The following GABBR2 variants were observed in gnomAD, a reference collection of about 807,000 sequenced individuals.
GABBR2 encodes G-protein coupled receptor 51.
In GABBR2, 23 loss-of-function variants were observed where a neutral mutation model predicts 105.6. The ratio of observed to expected loss-of-function variants is 0.22; its 90% CI spans 0.16 to 0.31. The LOEUF (loss-of-function observed/expected upper bound fraction) is 0.31. Among genes scored for constraint, GABBR2 ranks in the 10% least tolerant of loss-of-function variants. The probability of loss-of-function intolerance (pLI) is 1.00; values close to 1 mark genes in which losing one functional copy is unlikely to be tolerated. For missense variants in GABBR2, 734 were observed against 1,245.5 expected (o/e 0.59, Z 6.18); for synonymous variants, 478 against 499.7 (o/e 0.96, Z 0.58).
At chr9:98,534,715 G>A (rs974194745) in intron 3 of GABBR2, among the ~76,000 whole-genome samples, 3 of 152,180 alleles carry the variant, frequency 2.0e-5, no homozygotes, top group African/African-American at 4.8e-5. Context: ...ACTCCAGAAC[G>A]CTGACAATAC....
chr9:98,649,964 G>C (rs965850245), intron 1 of GABBR2, among the ~76,000 whole-genome samples: 4 of 152,150 alleles, frequency 2.6e-5, no homozygotes, highest in African/African-American at 2.4e-5. Context: ...ATATCCTGAA[G>C]TAATTCATGT....
chr9:98,578,878 T>C lies in GABBR2; in HGVS notation c.322-806A>G, dbSNP rs1828959766. Among the ~76,000 whole-genome samples the C allele has an allele frequency of 1.3e-5, 2 of 152,200 alleles. 1 individual carries two copies. Among genetic ancestry groups the C allele is most frequent in the South Asian group, 4.1e-4 (2 of 4,828 alleles). On this transcript the variant is annotated intron_variant, in intron 1 of 18. Transcript: ENST00000259455. ...ATACAAAAAGACAGCTATTATATGA[T>C]CCCACTCATATGAGGTTATCTACAG...
At chr9:98,539,095 G>A (rs1828239619) in intron 3 of GABBR2, among the ~76,000 whole-genome samples, 1 of 152,212 alleles carries the variant, frequency 6.6e-6, no homozygotes. Context: ...TGAGGACCAT[G>A]TAGCGAGGAC....
At chr9:98,448,735 CT>C (rs1826180486) in intron 7 of GABBR2, among the ~76,000 whole-genome samples, 1 of 152,130 alleles carries the variant, frequency 6.6e-6, no homozygotes, top group Non-Finnish European at 1.5e-5. Context: ...TAAATTTAGC[CT>C]GTCATAGGCA....
rs142025089 is a variant in GABBR2 at position 98,541,891 on chromosome 9, G to A, written c.612C>T (p.Asp204=). The part of the protein sequence containing the change: ...QWKRVGTLTQ[D]VQRFSEVRND... ...AGCGTACCTCAGAGAACCTCTGAAC[G>A]TCTTGCGTCAGCGTGCCCACGCGCT... is the stretch of plus-strand genomic sequence containing the variant. Residue 204 remains aspartate, a synonymous_variant, in exon 3 of 19, where the codon GAC becomes GAT. Transcript: ENST00000259455. 1.4e-5 allele frequency: 23 copies of A among 1,614,172 alleles called. 1 individual carries two copies. Among genetic ancestry groups the A allele is most frequent in the African/African-American group, 1.2e-4 (9 of 75,074 alleles).
chr9:98,604,111 C>A (rs1422648437), intron 1 of GABBR2, among the ~76,000 whole-genome samples: 7 of 152,210 alleles, frequency 4.6e-5, no homozygotes, highest in Non-Finnish European at 7.3e-5. Context: ...CACCTGGGGG[C>A]TTGGTAAAAT....
At chr9:98,469,444 G>A (rs1214322792) in intron 6 of GABBR2, among the ~76,000 whole-genome samples, 1 of 152,184 alleles carries the variant, frequency 6.6e-6, no homozygotes, top group Non-Finnish European at 1.5e-5. Context: ...CATCATGAGA[G>A]CCTGGGTGGA....
chr9:98,423,877 G>A (rs1341449106), intron 7 of GABBR2, among the ~76,000 whole-genome samples: 1 of 152,130 alleles, frequency 6.6e-6, no homozygotes, highest in Non-Finnish European at 1.5e-5. Flanking sequence ...TTTCCCCATT[G>A]CTTGCTTTTG....
intron 13 of GABBR2, among the ~76,000 whole-genome samples, chr9:98,316,566 T>G (rs1302560923): frequency 6.6e-6 from 1 of 152,260 alleles, no homozygotes; most frequent in African/African-American, 2.4e-5. Context: ...TGCCAGATAC[T>G]GTTCTGGGCA....
At chr9:98,680,202 T>C (rs73489961) in intron 1 of GABBR2, among the ~76,000 whole-genome samples, 2,185 of 152,280 alleles carry the variant, frequency 0.014, 63 homozygotes, top group African/African-American at 0.049. Context: ...CTTCTGAATG[T>C]GAAGACTCAA....
intron 12 of GABBR2, among the ~76,000 whole-genome samples, chr9:98,368,643 G>C (rs1006561360): frequency 3.9e-5 from 6 of 152,236 alleles, no homozygotes; most frequent in Non-Finnish European, 7.3e-5. Context: ...TCATGTTAGA[G>C]AGCATAAAGG....
At chr9:98,477,325 G>A (rs1026455329) in intron 5 of GABBR2, among the ~76,000 whole-genome samples, 4 of 152,132 alleles carry the variant, frequency 2.6e-5, no homozygotes, top group Admixed American at 6.5e-5. Flanking sequence ...CTGCAGCCTC[G>A]AACTTCTGGG....
chr9:98,327,679 G>A (rs1830947194), intron 13 of GABBR2, among the ~76,000 whole-genome samples: 1 of 151,942 alleles, frequency 6.6e-6, no homozygotes. Flanking sequence ...GACCAGCCTG[G>A]TCAACATGGT....
At chr9:98,659,155 G>T (rs4743248) in intron 1 of GABBR2, among the ~76,000 whole-genome samples, 2 of 152,130 alleles carry the variant, frequency 1.3e-5, no homozygotes, top group East Asian at 3.9e-4. Flanking sequence ...CCACTAGGAA[G>T]CTCAGGGCCA....
At chr9:98,486,549 A>T (rs1827054551) in intron 4 of GABBR2, among the ~76,000 whole-genome samples, 1 of 152,112 alleles carries the variant, frequency 6.6e-6, no homozygotes, top group Non-Finnish European at 1.5e-5. Context: ...GGTTGTCTGG[A>T]ATCTCCTGCC....
At chr9:98,654,791 A>G (rs1159453039) in intron 1 of GABBR2, among the ~76,000 whole-genome samples, 1 of 152,246 alleles carries the variant, frequency 6.6e-6, no homozygotes, top group Non-Finnish European at 1.5e-5. Flanking sequence ...ACAAAAACCC[A>G]CATACGGATA....
At chr9:98,370,753 A>G (rs1831765308) in intron 12 of GABBR2, among the ~76,000 whole-genome samples, 1 of 152,212 alleles carries the variant, frequency 6.6e-6, no homozygotes, top group South Asian at 2.1e-4. Flanking sequence ...CTCCAGTACC[A>G]CTGCAAGAGT....
At chr9:98,589,226 C>A (rs1393583428) in intron 1 of GABBR2, among the ~76,000 whole-genome samples, 1 of 152,182 alleles carries the variant, frequency 6.6e-6, no homozygotes, top group Admixed American at 6.5e-5. Flanking sequence ...CTCTTTCCTT[C>A]CCCACACCCT....
chr9:98,681,772 AG>A (rs1191407483), intron 1 of GABBR2, among the ~76,000 whole-genome samples: 1 of 151,564 alleles, frequency 6.6e-6, no homozygotes, highest in African/African-American at 2.4e-5. Flanking sequence ...AATAAAAAAA[AG>A]AGTTAAATAT....
Sources: allele counts gnomAD v4.1 joint callset (sites outside exome capture counted in the v4.1 genomes callset), GRCh38; gene constraint gnomAD v4.1.1; transcripts MANE v1.5; gene names NCBI Gene and HGNC (gene_info 2026-07-23, HGNC 2026-07-21).